The following ARFGEF1 variants were observed in gnomAD, a reference collection of about 807,000 sequenced individuals.
ARFGEF1 encodes the protein brefeldin A-inhibited guanine nucleotide-exchange protein 1.
ARFGEF1 carries 42 observed loss-of-function variants against 231.0 expected under a neutral mutation model. The observed-to-expected ratio is 0.18, with a 90% CI of 0.14 to 0.24. ARFGEF1 has a LOEUF of 0.24. Among genes scored for constraint, ARFGEF1 ranks in the 10% least tolerant of loss-of-function variants. The probability of loss-of-function intolerance (pLI) is 1.00; values close to 1 mark genes in which losing one functional copy is unlikely to be tolerated. For synonymous variants in ARFGEF1, 710 were observed against 732.3 expected, an observed-to-expected ratio of 0.97 and a Z score of 0.49; for missense variants, 1,345 against 2,192.0, an observed-to-expected ratio of 0.61 and a Z score of 7.72.
chr8:67,189,080 T>C (rs1423451831), intron 5 of ARFGEF1, among the ~76,000 whole-genome samples: 2 of 152,148 alleles, frequency 1.3e-5, no homozygotes, highest in Non-Finnish European at 2.9e-5. Context: ...TACCACCACA[T>C]ACCTGCTAGA....
At chr8:67,201,390 G>A in intron 37 of ARFGEF1, 77 bp downstream of exon 37, 1 of 1,508,628 alleles carries the variant, frequency 6.6e-7, no homozygotes, top group Non-Finnish European at 8.9e-7. Context: ...CTGTCAGCAT[G>A]GTCCCGCCGG....
chr8:67,338,645 C>G (rs1377394710), intron 1 of ARFGEF1, among the ~76,000 whole-genome samples: 3 of 152,196 alleles, frequency 2.0e-5, no homozygotes, highest in African/African-American at 7.2e-5. Flanking sequence ...CAACACTATT[C>G]TAGAGCAAGT....
At chr8:67,277,574 G>C (rs1805365317) in intron 7 of ARFGEF1, 117 bp from the exon 8 acceptor site, 1 of 867,732 alleles carries the variant, frequency 1.2e-6, no homozygotes, top group Non-Finnish European at 1.7e-6. Flanking sequence ...AGTAAAATAT[G>C]TATTGGCACC....
At chr8:67,308,921 T>A (rs1432266233) in intron 1 of ARFGEF1, among the ~76,000 whole-genome samples, 1 of 152,156 alleles carries the variant, frequency 6.6e-6, no homozygotes, top group Non-Finnish European at 1.5e-5. Context: ...ATATTTAAAA[T>A]CTACCTTTAG....
chr8:67,307,205 T>C (rs561262333), intron 1 of ARFGEF1, among the ~76,000 whole-genome samples: 1 of 152,382 alleles, frequency 6.6e-6, no homozygotes, highest in African/African-American at 2.4e-5. Context: ...AAAATACTTA[T>C]GGAATTCATC....
intron 29 of ARFGEF1, among the ~76,000 whole-genome samples, chr8:67,223,976 A>C (rs2128870069): frequency 6.6e-6 from 1 of 152,314 alleles, no homozygotes; most frequent in East Asian, 1.9e-4. Context: ...TTGATTATCT[A>C]TTTCATACGA....
chr8:67,289,365 GCA>G (rs1180793916), intron 6 of ARFGEF1, among the ~76,000 whole-genome samples: 5 of 151,822 alleles, frequency 3.3e-5, no homozygotes, highest in Non-Finnish European at 7.4e-5. Context: ...ACCAGCCTGG[GCA>G]ACACAGTGAG....
At chr8:67,299,417 C>A in intron 3 of ARFGEF1, 62 bp from the exon 4 acceptor site, 1 of 1,389,668 alleles carries the variant, frequency 7.2e-7, no homozygotes, top group Non-Finnish European at 9.8e-7. Flanking sequence ...CATACTAATG[C>A]AATATACATT....
intron 14 of ARFGEF1, among the ~76,000 whole-genome samples, chr8:67,260,323 C>T (rs887294473): frequency 7.9e-5 from 12 of 152,092 alleles, no homozygotes; most frequent in Admixed American, 1.3e-4. Flanking sequence ...TTCACAGATA[C>T]GTGTTTTTTA....
chr8:67,218,148 A>G lies in ARFGEF1; in HGVS notation c.4339-10T>C, dbSNP rs1325308618. 7.0e-7 allele frequency: 1 copy of G among 1,424,636 alleles called. No individual in the cohort carries two copies. The highest frequency in any genetic ancestry group is 9.2e-7 in the Non-Finnish European group (1 of 1,082,314). The allele number at this position is 1,424,636 out of a possible 1,614,324, so 88.2% of individuals were successfully genotyped here. A position where few individuals can be genotyped will look rare whatever the true frequency, so the allele number is the denominator to read the frequency against. ...TCATCCATTCAGCTTTCTGGGGAAA[A>G]AAGTCATTAATGAACATCACGCCAT... On this transcript the variant is annotated splice_polypyrimidine_tract_variant and intron_variant, in intron 30 of 38. Transcript: ENST00000262215.
intron 18 of ARFGEF1, among the ~76,000 whole-genome samples, chr8:67,253,134 C>T (rs910434771): frequency 7.9e-5 from 12 of 152,192 alleles, no homozygotes; most frequent in African/African-American, 2.9e-4. Context: ...AAAATACAAT[C>T]ATATCACCAA....
chr8:67,222,164 C>CATATATATATATATACACATATATATAT (rs1486077092), intron 29 of ARFGEF1, among the ~76,000 whole-genome samples: 6 of 119,148 alleles, frequency 5.0e-5, no homozygotes, highest in Non-Finnish European at 8.1e-5. Context: ...CTTTTCCATG[C>CATATATATATATATACACATATATATAT]ATATATATAT....
Position 67,343,526 on chromosome 8 carries a change from G to A in ARFGEF1, c.-239C>T, listed in dbSNP as rs1808761080. 8.5e-7 allele frequency: 1 copy of A among 1,179,420 alleles called. No individual in the cohort carries two copies. Among genetic ancestry groups the A allele is most frequent in the Non-Finnish European group, 1.0e-6 (1 of 952,456 alleles). 73.1% of individuals were successfully genotyped at this position (1,179,420 alleles called of 1,614,324 possible). ...AAGCCGTACCTCGAGGGCCGCGCCC[G>A]TCGGGCCTCCGCTTCTCCCGGCCCG... On this transcript the variant is annotated 5_prime_UTR_variant, in exon 1 of 39. In the 5' UTR this introduces an upstream ATG that the reference lacks. Coordinates refer to ENST00000262215, the MANE Select transcript of ARFGEF1 (RefSeq NM_006421.5).
chr8:67,256,594 A>G (rs984999863), intron 17 of ARFGEF1, among the ~76,000 whole-genome samples: 31 of 152,330 alleles, frequency 2.0e-4, no homozygotes, highest in African/African-American at 6.7e-4. Context: ...CAACCTAAGC[A>G]TAACAAATAT....
At chr8:67,215,436 C>A (rs975467130) in intron 33 of ARFGEF1, among the ~76,000 whole-genome samples, 1 of 152,118 alleles carries the variant, frequency 6.6e-6, no homozygotes, top group African/African-American at 2.4e-5. Flanking sequence ...CTGATACCTG[C>A]AAATGTTACC....
At chr8:67,343,123 C>A in intron 1 of ARFGEF1, 41 bp downstream of exon 1, 1 of 1,463,250 alleles carries the variant, frequency 6.8e-7, no homozygotes, top group East Asian at 2.5e-5. Flanking sequence ...CTCCCCGCCC[C>A]ACAACAAGCA....
At position 67,212,151 on chromosome 8, in the gene ARFGEF1, C is replaced by T. The variant is rs541021292; in HGVS notation, c.4687-536G>A. On this transcript the variant is annotated intron_variant, in intron 33 of 38. Coordinates refer to ENST00000262215, the MANE Select transcript of ARFGEF1 (RefSeq NM_006421.5). ...AGGCTGGAGTGCAATGGCGCGATCT[C>T]GGCTCACCGTGACCTCTACCTCCTG... 5.9e-5 allele frequency among the ~76,000 whole-genome samples: 9 copies of T among 152,258 alleles called. No homozygotes were observed. The South Asian group carries it at 1.5e-3, about 25-fold the overall frequency.
At chr8:67,255,215 C>T (rs565554418) in intron 17 of ARFGEF1, among the ~76,000 whole-genome samples, 1 of 152,350 alleles carries the variant, frequency 6.6e-6, no homozygotes, top group African/African-American at 2.4e-5. Flanking sequence ...TCACACAGAA[C>T]ACTTCTGCCA....
At chr8:67,209,860 T>G (rs191399756) in intron 34 of ARFGEF1, among the ~76,000 whole-genome samples, 2 of 151,926 alleles carry the variant, frequency 1.3e-5, no homozygotes, top group East Asian at 1.9e-4. Flanking sequence ...CCTTAAAAAG[T>G]AGGGTGCTCC....
Sources: allele counts gnomAD v4.1 joint callset (sites outside exome capture counted in the v4.1 genomes callset), GRCh38; gene constraint gnomAD v4.1.1; transcripts MANE v1.5; gene names NCBI Gene and HGNC (gene_info 2026-07-23, HGNC 2026-07-21).